Variants in ZNF609 observed in about 807,000 individuals in gnomAD.
The protein encoded by ZNF609 is zinc finger protein 609.
Under a neutral mutation model 109.5 loss-of-function variants are expected in ZNF609, and 11 were observed. The observed-to-expected ratio is 0.10, with a 90% CI of 0.06 to 0.17. ZNF609 has a LOEUF of 0.17. Ranked by LOEUF, ZNF609 falls within the 10% of genes least tolerant of loss-of-function variation. The probability of loss-of-function intolerance (pLI) is 1.00; values close to 1 mark genes in which losing one functional copy is unlikely to be tolerated. For synonymous variants in ZNF609, 646 were observed against 662.0 expected (o/e 0.98, Z 0.37); for missense variants, 1,559 against 1,772.4 (o/e 0.88, Z 2.16).
intron 2 of ZNF609, among the ~76,000 whole-genome samples, chr15:64,587,564 T>G (rs928397191): frequency 1.3e-5 from 2 of 152,210 alleles, no homozygotes; most frequent in East Asian, 3.8e-4. Flanking sequence ...AAAGTTAACC[T>G]AATTAGATTT....
At chr15:64,589,583 C>G (rs1426525697) in intron 2 of ZNF609, among the ~76,000 whole-genome samples, 2 of 152,136 alleles carry the variant, frequency 1.3e-5, no homozygotes, top group African/African-American at 4.8e-5. Flanking sequence ...CTATTTAAAG[C>G]CAAGATGGCT....
At chr15:64,625,936 T>TATATATAG (rs1307358546) in intron 3 of ZNF609, among the ~76,000 whole-genome samples, 5 of 79,592 alleles carry the variant, frequency 6.3e-5, no homozygotes, top group African/African-American at 2.6e-4. Flanking sequence ...TATATATATA[T>TATATATAG]AGAGAGAGAG....
At chr15:64,614,475 C>T (rs1396038564) in intron 2 of ZNF609, among the ~76,000 whole-genome samples, 1 of 150,858 alleles carries the variant, frequency 6.6e-6, no homozygotes, top group Non-Finnish European at 1.5e-5. Context: ...ACCTTGTGAT[C>T]GCCTGCCTCG....
intron 3 of ZNF609, among the ~76,000 whole-genome samples, chr15:64,643,492 G>C (rs1896291054): frequency 6.6e-6 from 1 of 152,012 alleles, no homozygotes; most frequent in Non-Finnish European, 1.5e-5. Context: ...ATAAAAATAG[G>C]AACTACATAG....
At chr15:64,625,928 TATATATATAGAGAGAG>T (rs1222877472) in intron 3 of ZNF609, among the ~76,000 whole-genome samples, 4 of 73,622 alleles carry the variant, frequency 5.4e-5, no homozygotes, top group Non-Finnish European at 1.1e-4. Context: ...TATATATATA[TATATATATAGAGAGAG>T]AGAGAGAGAG....
chr15:64,556,333 A>G (rs552401614), intron 2 of ZNF609, among the ~76,000 whole-genome samples: 3 of 151,326 alleles, frequency 2.0e-5, no homozygotes, highest in Non-Finnish European at 4.4e-5. Context: ...GAGCCTGGCA[A>G]TGTTGCCCAG....
Position 64,464,413 on chromosome 15 carries a change from C to G in ZNF609, c.-128+3575C>G, listed in dbSNP as rs190608669. Among the ~76,000 whole-genome samples the G allele has an allele frequency of 2.0e-5, 3 of 152,296 alleles. No homozygotes were observed. The East Asian group carries it at 5.8e-4, about 29-fold the overall frequency. Reference sequence around the variant, plus strand: ...TTAGTACTTGTACTGCCCTTTTCTCCTACTCTGAAGGTAGCTAAGCAATTG... The same window carrying G: ...TTAGTACTTGTACTGCCCTTTTCTCGTACTCTGAAGGTAGCTAAGCAATTG... On this transcript the variant is annotated intron_variant, in intron 1 of 9. Coordinates refer to ENST00000326648, the MANE Select transcript of ZNF609 (RefSeq NM_015042.2).
chr15:64,570,202 G>C (rs1393762645), intron 2 of ZNF609, among the ~76,000 whole-genome samples: 4 of 152,202 alleles, frequency 2.6e-5, no homozygotes, highest in Non-Finnish European at 5.9e-5. Flanking sequence ...TGAGCATAGT[G>C]AGTTTTAGCA....
intron 2 of ZNF609, among the ~76,000 whole-genome samples, chr15:64,508,427 G>A (rs756225230): frequency 6.6e-5 from 10 of 151,998 alleles, no homozygotes; most frequent in Non-Finnish European, 8.8e-5. Context: ...TGTGAAGTGG[G>A]GAGAAAAAAA....
At chr15:64,630,984 A>G in intron 3 of ZNF609, 1 of 233,434 alleles carries the variant, frequency 4.3e-6, no homozygotes, top group East Asian at 9.9e-5. Context: ...AAGACATTAC[A>G]TAATGAATTA....
At chr15:64,651,512 A>G (rs996015891) in intron 3 of ZNF609, among the ~76,000 whole-genome samples, 1 of 152,064 alleles carries the variant, frequency 6.6e-6, no homozygotes, top group Non-Finnish European at 1.5e-5. Flanking sequence ...GACCACAGCA[A>G]CTCTTGTTCA....
chr15:64,655,298 C>G (rs1442463764), intron 3 of ZNF609, among the ~76,000 whole-genome samples: 1 of 150,458 alleles, frequency 6.6e-6, no homozygotes, highest in African/African-American at 2.4e-5. Context: ...ACAAAATTAG[C>G]CGGCATGGTG....
intron 2 of ZNF609, among the ~76,000 whole-genome samples, chr15:64,567,423 A>G (rs943038239): frequency 7.9e-5 from 12 of 151,244 alleles, no homozygotes; most frequent in African/African-American, 2.7e-4. Flanking sequence ...TGGAGGTTAC[A>G]GTTGAGCCGA....
Position 64,500,034 on chromosome 15 carries a change from T to C in ZNF609, c.615T>C (p.Asp205=), listed in dbSNP as rs61910735. The C allele has an allele frequency of 2.4e-3, 3,934 of 1,614,118 alleles. 73 individuals carry two copies. In the African/African-American group the frequency reaches 0.045, roughly 19 times the overall value. Residue 205 remains aspartate, a synonymous_variant, in exon 2 of 10, where the codon GAT becomes GAC. Transcript: ENST00000326648. ...AGTATGATGGAAGTGCAGGGGTGGA[T>C]ACAGGAGCTGTGGAGCCACTTGGGA... ...GGQYDGSAGV[D]TGAVEPLGSI...
At chr15:64,565,523 G>A (rs959734151) in intron 2 of ZNF609, among the ~76,000 whole-genome samples, 2 of 152,134 alleles carry the variant, frequency 1.3e-5, no homozygotes, top group African/African-American at 2.4e-5. Context: ...TGGCTAGAAT[G>A]TCTACCAAGT....
chr15:64,552,904 C>G (rs1477007860), intron 2 of ZNF609, among the ~76,000 whole-genome samples: 1 of 151,960 alleles, frequency 6.6e-6, no homozygotes. Flanking sequence ...ACCTCTGCCT[C>G]CCCAGAGTGC....
chr15:64,512,726 C>T (rs565445564), intron 2 of ZNF609, among the ~76,000 whole-genome samples: 1 of 151,970 alleles, frequency 6.6e-6, no homozygotes, highest in Admixed American at 6.6e-5. Context: ...TAAAGTATTT[C>T]CTTGCTGAGA....
chr15:64,649,311 G>T (rs1003340623), intron 3 of ZNF609, among the ~76,000 whole-genome samples: 1 of 151,866 alleles, frequency 6.6e-6, no homozygotes, highest in African/African-American at 2.4e-5. Context: ...GCTTACTAAC[G>T]CTCCTTTTCC....
chr15:64,531,695 C>G (rs1408967837), intron 2 of ZNF609, among the ~76,000 whole-genome samples: 1 of 152,102 alleles, frequency 6.6e-6, no homozygotes, highest in Admixed American at 6.6e-5. Flanking sequence ...TTGTGCCCAG[C>G]CTTATTTCAG....
Sources: gnomAD v4.1 joint callset for allele counts (sites outside exome capture counted in the v4.1 genomes callset) on GRCh38, gnomAD v4.1.1 for gene constraint, MANE v1.5 for transcripts, NCBI Gene and HGNC (gene_info 2026-07-23, HGNC 2026-07-21) for gene names.